CDH12: variants seen among roughly 807,000 people sequenced by gnomAD.
CDH12 encodes the protein cadherin-12.
A neutral mutation model predicts 74.1 loss-of-function variants in CDH12; 41 were observed. The ratio of observed to expected loss-of-function variants is 0.55; its 90% CI spans 0.43 to 0.72. The LOEUF (loss-of-function observed/expected upper bound fraction) is 0.72. CDH12 is among the 30% of genes least tolerant of loss of function. CDH12 has a pLI of 0.00. For missense variants in CDH12, 945 were observed against 977.2 expected (o/e 0.97, Z 0.44); for synonymous variants, 399 against 355.0 (o/e 1.12, Z -1.39).
intron 2 of CDH12, among the ~76,000 whole-genome samples, chr5:22,482,827 C>A (rs1746436884): frequency 6.6e-6 from 1 of 152,088 alleles, no homozygotes; most frequent in Non-Finnish European, 1.5e-5. Flanking sequence ...AAAATATATA[C>A]CATTCACCTT....
intron 4 of CDH12, among the ~76,000 whole-genome samples, chr5:22,115,914 T>G (rs1745070077): frequency 6.6e-6 from 1 of 151,996 alleles, no homozygotes; most frequent in South Asian, 2.1e-4. Flanking sequence ...ATGGTCTCGA[T>G]CTCTTGACCT....
At position 22,775,994 on chromosome 5, in the gene CDH12, T is replaced by A. The variant is rs193122912; in HGVS notation, c.-523+77064A>T. Among the ~76,000 whole-genome samples, 12 of 152,218 alleles carry A rather than the reference T, an allele frequency of 7.9e-5. No individual in the cohort carries two copies. In the East Asian group the frequency reaches 1.2e-3, roughly 15 times the overall value. On this transcript the variant is annotated intron_variant, in intron 1 of 14. Transcript: ENST00000382254. ...TCATTTTTCTCTTGCTGCCACCATG[T>A]AAGAAGTGCCTTTTGCCTCTCGCCA...
intron 1 of CDH12, among the ~76,000 whole-genome samples, chr5:22,595,468 T>A (rs1736558973): frequency 6.6e-6 from 1 of 152,186 alleles, no homozygotes; most frequent in African/African-American, 2.4e-5. Flanking sequence ...ATAGTAATGT[T>A]TACATTTACG....
chr5:21,859,461 T>C (rs1750920671), intron 6 of CDH12, among the ~76,000 whole-genome samples: 1 of 151,886 alleles, frequency 6.6e-6, no homozygotes, highest in African/African-American at 2.4e-5. Context: ...CTGCCTTCAA[T>C]CCAATCAGTT....
intron 4 of CDH12, among the ~76,000 whole-genome samples, chr5:22,206,631 C>T (rs1580401134): frequency 1.9e-5 from 2 of 103,832 alleles, no homozygotes; most frequent in South Asian, 6.5e-4. Flanking sequence ...CTATATGTAC[C>T]AAAATATAAG....
chr5:22,784,311 T>TCG (rs1747523084), intron 1 of CDH12, among the ~76,000 whole-genome samples: 1 of 152,178 alleles, frequency 6.6e-6, no homozygotes, highest in South Asian at 2.1e-4. Flanking sequence ...TTAGTATTCT[T>TCG]GATAGAGTAA....
Position 21,755,721 on chromosome 5 carries a change from C to T in CDH12, c.1755G>A (p.Met585Ile), listed in dbSNP as rs370847793. Residue 585 changes from methionine to isoleucine, a missense_variant, in exon 14 of 15, where the codon ATG becomes ATA. Physicochemically the swap from Met to Ile is conservative, Grantham distance 10 (BLOSUM62 1). Around this residue, in one of 3 missense-constraint regions of CDH12, gnomAD observed 791 missense variants for 792.8 expected, o/e 1.00. Coordinates refer to ENST00000382254, the MANE Select transcript of CDH12 (RefSeq NM_004061.5). ...AGTCACATCTACAGACTCGAATAGT[C>T]ATTGTGTTTGTGCTGCTCTGGACAG... is the stretch of plus-strand genomic sequence containing the variant. ...SYPVQSSTNT[M>I]TIRVCRCDSD... 92 of 1,614,012 alleles carry T rather than the reference C, an allele frequency of 5.7e-5. No individual in the cohort carries two copies. The highest frequency in any genetic ancestry group is 2.2e-5 in the East Asian group (1 of 44,872).
intron 5 of CDH12, among the ~76,000 whole-genome samples, chr5:22,026,984 G>T (rs1384152237): frequency 1.3e-5 from 2 of 152,142 alleles, no homozygotes; most frequent in Admixed American, 1.3e-4. Flanking sequence ...TTTAAGATAT[G>T]TCCCATCAAT....
chr5:22,363,632 G>A (rs1292141798), intron 3 of CDH12, among the ~76,000 whole-genome samples: 1 of 152,140 alleles, frequency 6.6e-6, no homozygotes, highest in Non-Finnish European at 1.5e-5. Flanking sequence ...AAAGCTGACA[G>A]ATAACAGTGG....
chr5:22,029,813 CAT>C (rs1188241922), intron 5 of CDH12, among the ~76,000 whole-genome samples: 1 of 151,812 alleles, frequency 6.6e-6, no homozygotes, highest in Non-Finnish European at 1.5e-5. Context: ...CACATGCACA[CAT>C]ATGTTTATTG....
At chr5:22,426,698 G>C (rs910382090) in intron 2 of CDH12, among the ~76,000 whole-genome samples, 2 of 152,022 alleles carry the variant, frequency 1.3e-5, no homozygotes, top group African/African-American at 4.8e-5. Flanking sequence ...ATATCAATCA[G>C]TTTGAACAAT....
intron 10 of CDH12, among the ~76,000 whole-genome samples, chr5:21,789,607 C>T (rs1746382109): frequency 6.6e-6 from 1 of 152,084 alleles, no homozygotes; most frequent in African/African-American, 2.4e-5. Flanking sequence ...TAAGTGGAAA[C>T]TCCATTCATT....
chr5:21,947,971 G>A (rs895964340), intron 6 of CDH12, among the ~76,000 whole-genome samples: 17 of 152,238 alleles, frequency 1.1e-4, no homozygotes, highest in African/African-American at 3.4e-4. Context: ...CAAGCCCCAA[G>A]CCTTGGAGGA....
chr5:22,484,841 AATAACAGGATTAC>A (rs1299882374), intron 2 of CDH12, among the ~76,000 whole-genome samples: 2 of 152,156 alleles, frequency 1.3e-5, no homozygotes, highest in African/African-American at 4.8e-5. Context: ...TGATTTATGT[AATAACAGGATTAC>A]ATAATAATAT....
chr5:22,681,228 G>GTGTGTGTGTGTGT (rs869281805), intron 1 of CDH12, among the ~76,000 whole-genome samples: 1 of 105,754 alleles, frequency 9.5e-6, no homozygotes, highest in African/African-American at 3.1e-5. Flanking sequence ...GGTATTGGGG[G>GTGTGTGTGTGTGT]GTGTGTGTGT....
At chr5:22,608,149 G>A (rs773832566) in intron 1 of CDH12, among the ~76,000 whole-genome samples, 35 of 152,136 alleles carry the variant, frequency 2.3e-4, no homozygotes, top group Non-Finnish European at 4.6e-4. Context: ...AAAAGCTGCA[G>A]ACACTCAATG....
At chr5:22,407,723 T>C (rs1743000345) in intron 2 of CDH12, among the ~76,000 whole-genome samples, 2 of 152,076 alleles carry the variant, frequency 1.3e-5, no homozygotes, top group African/African-American at 4.8e-5. Flanking sequence ...AAACCACTAG[T>C]TTGCTCAAGG....
intron 1 of CDH12, among the ~76,000 whole-genome samples, chr5:22,846,269 C>T (rs1310422426): frequency 6.6e-6 from 1 of 152,000 alleles, no homozygotes; most frequent in Non-Finnish European, 1.5e-5. Context: ...CTGTTAGATT[C>T]CTAGATAGAA....
chr5:22,669,397 G>A (rs1387233788), intron 1 of CDH12, among the ~76,000 whole-genome samples: 1 of 152,176 alleles, frequency 6.6e-6, no homozygotes, highest in Non-Finnish European at 1.5e-5. Flanking sequence ...AAAAGAGAAA[G>A]AATATGTATT....
Sources: allele counts gnomAD v4.1 joint callset (sites outside exome capture counted in the v4.1 genomes callset), GRCh38; gene constraint gnomAD v4.1.1; regional missense constraint gnomAD v4.1.1; transcripts MANE v1.5; gene names NCBI Gene and HGNC (gene_info 2026-07-23, HGNC 2026-07-21).